The following CRMP1 variants were observed in gnomAD, a reference collection of about 807,000 sequenced individuals.
CRMP1 encodes collapsin response mediator protein 1, also known as dihydropyrimidinase-related protein 1.
CRMP1 carries 19 observed loss-of-function variants against 68.3 expected under a neutral mutation model. The ratio of observed to expected loss-of-function variants is 0.28; its 90% CI spans 0.19 to 0.41. The LOEUF (loss-of-function observed/expected upper bound fraction) is 0.41. Among genes scored for constraint, CRMP1 ranks in the 10% least tolerant of loss-of-function variants. The pLI is 1.00. For synonymous variants in CRMP1, 439 were observed against 399.6 expected, an observed-to-expected ratio of 1.10 and a Z score of -1.18; for missense variants, 791 against 967.4, an observed-to-expected ratio of 0.82 and a Z score of 2.42.
chr4:5,876,974 CCTGCCCCACTGACTGTGGGTGTT>C (rs1367433552), intron 1 of CRMP1, among the ~76,000 whole-genome samples: 1 of 152,220 alleles, frequency 6.6e-6, no homozygotes. Context: ...AGTGCAGCCG[CCTGCCCCACTGACTGTGGGTGTT>C]CTGCCCATGT....
At chr4:5,849,798 C>T (rs779728555) in intron 5 of CRMP1, among the ~76,000 whole-genome samples, 76 of 152,162 alleles carry the variant, frequency 5.0e-4, no homozygotes, top group Non-Finnish European at 8.2e-4. Flanking sequence ...TTTTGAAACA[C>T]CTGTAGGTGT....
intron 6 of CRMP1, among the ~76,000 whole-genome samples, chr4:5,845,098 A>G (rs1015185845): frequency 1.3e-5 from 2 of 152,332 alleles, no homozygotes; most frequent in African/African-American, 4.8e-5. Flanking sequence ...AGCCGGACAT[A>G]AGACAGTGTG....
Position 5,838,473 on chromosome 4 carries a change from A to G in CRMP1, c.1310+1049T>C, listed in dbSNP as rs999124968. Among the ~76,000 whole-genome samples the G allele has an allele frequency of 1.3e-5, 2 of 152,052 alleles. No homozygotes were observed. Among genetic ancestry groups the G allele is most frequent in the Admixed American group, 6.5e-5 (1 of 15,268 alleles). On this transcript the variant is annotated intron_variant, in intron 9 of 13. Transcript: ENST00000324989. This position sits in a 1 kb window ranked among gnomAD's most constrained non-coding sequence, Gnocchi z 4.9. ...TGGGGTGGGCCCGTGTGGAAATAGAAAGTCTTGGTCGGAAGCCAGGGATGA... is the reference window on the plus strand; with the variant it reads ...TGGGGTGGGCCCGTGTGGAAATAGAGAGTCTTGGTCGGAAGCCAGGGATGA...
rs1295685517 is a variant in CRMP1, at chr4:5,836,050, A to G, written c.1488T>C (p.Ala496=). 1.3e-6 allele frequency: 2 copies of G among 1,565,694 alleles called. No individual in the cohort carries two copies. Among genetic ancestry groups the G allele is most frequent in the South Asian group, 1.2e-5 (1 of 81,874 alleles). ...TCTTGGCTGCATTGGTGCTGGTGAC[A>G]GCGACAAACTGGTTCTCATCCATTT... ...TGKMDENQFV[A]VTSTNAAKIF... Residue 496 remains alanine (A), a synonymous_variant, in exon 11 of 14, where the codon GCT becomes GCC. Transcript: ENST00000324989.
In CRMP1 at chr4:5,890,017, G is replaced by T; in HGVS notation, c.381+2572C>A. On this transcript the variant is annotated intron_variant, in intron 1 of 13. Transcript: ENST00000324989. This position sits in a 1 kb window ranked among gnomAD's most constrained non-coding sequence, Gnocchi z 5.5. Reference sequence around the variant, plus strand: ...CAGCAAAGCAGCATGGAGATGCCAGGTTCCCCTACACTCTGTTTACAACTC... The same window carrying T: ...CAGCAAAGCAGCATGGAGATGCCAGTTTCCCCTACACTCTGTTTACAACTC... 1 of 874,046 alleles carries T rather than the reference G, an allele frequency of 1.1e-6. No homozygotes were observed. Among genetic ancestry groups the T allele is most frequent in the Non-Finnish European group, 1.5e-6 (1 of 670,258 alleles). 54.1% of individuals were successfully genotyped at this position (874,046 alleles called of 1,614,324 possible).
chr4:5,835,438 C>T (rs1026434840), intron 11 of CRMP1, among the ~76,000 whole-genome samples: 2 of 152,226 alleles, frequency 1.3e-5, no homozygotes, highest in African/African-American at 2.4e-5. Flanking sequence ...AGGCCCATAA[C>T]TATGGGCATG....
intron 11 of CRMP1, among the ~76,000 whole-genome samples, chr4:5,830,934 G>T (rs932034904): frequency 1.3e-5 from 2 of 152,112 alleles, no homozygotes; most frequent in Non-Finnish European, 1.5e-5. Flanking sequence ...CTGAATTTAT[G>T]TAAGTCTTTA....
chr4:5,829,499 T>C (rs1720195299), intron 11 of CRMP1, among the ~76,000 whole-genome samples: 1 of 152,234 alleles, frequency 6.6e-6, no homozygotes. Context: ...ATTTTAAAAG[T>C]AGGTCACATA....
Position 5,866,719 on chromosome 4 carries a change from T to C in CRMP1, c.419A>G (p.Asn140Ser). The C allele has an allele frequency of 6.2e-7, 1 of 1,613,164 alleles. No homozygotes were observed. The highest frequency in any genetic ancestry group is 8.5e-7 in the Non-Finnish European group (1 of 1,179,840). ...GTCAGCATAAAGGGATTGGTCATCG[T>C]TGATGATCCGTCCACCTTTGATGAG... Reference protein sequence around the residue: ...RLLIKGGRIINDDQSLYADVY... With the variant: ...RLLIKGGRIISDDQSLYADVY... Residue 140 changes from asparagine to serine, a missense_variant, in exon 2 of 14, where the codon AAC becomes AGC. Around this residue, in one of 3 missense-constraint regions of CRMP1, gnomAD observed 594 missense variants for 763.6 expected, o/e 0.78. Transcript: ENST00000324989. This position sits in a 1 kb window ranked among gnomAD's most constrained non-coding sequence, Gnocchi z 5.9.
Position 5,888,204 on chromosome 4 carries a change from G to A in CRMP1, c.381+4385C>T. The A allele has an allele frequency of 8.0e-7, 1 of 1,257,742 alleles. No individual in the cohort carries two copies. The highest frequency in any genetic ancestry group is 1.0e-6 in the Non-Finnish European group (1 of 997,650). 77.9% of individuals were successfully genotyped at this position (1,257,742 alleles called of 1,614,324 possible). A position where few individuals can be genotyped will look rare whatever the true frequency, so the allele number is the denominator to read the frequency against. On this transcript the variant is annotated intron_variant, in intron 1 of 13. Transcript: ENST00000324989. The surrounding 1 kb of genome is among the most constrained non-coding windows in gnomAD (Gnocchi z 6.4). The stretch of plus-strand genomic sequence containing the variant: ...CCCAGCCCACAAAGGCCAGCGCGGG[G>A]CGGCGGGGGCGGGGGCCGCTTACCG...
Position 5,889,809 on chromosome 4 carries a change from C to G in CRMP1, c.381+2780G>C. On this transcript the variant is annotated intron_variant, in intron 1 of 13. Coordinates refer to ENST00000324989, the MANE Select transcript of CRMP1 (RefSeq NM_001014809.3). The surrounding 1 kb of genome is among the most constrained non-coding windows in gnomAD (Gnocchi z 4.5). ...GACCTTCACCACCCCAGGGGCCAGTCCCCTAATCCAGGGCAGGAGGCCAGA... is the reference window on the plus strand; with the variant it reads ...GACCTTCACCACCCCAGGGGCCAGTGCCCTAATCCAGGGCAGGAGGCCAGA... 1.3e-6 allele frequency: 2 copies of G among 1,509,654 alleles called. No homozygotes were observed. Among genetic ancestry groups the G allele is most frequent in the East Asian group, 2.5e-5 (1 of 40,506 alleles). 93.5% of individuals were successfully genotyped at this position (1,509,654 alleles called of 1,614,324 possible).
At position 5,860,326 on chromosome 4, in the gene CRMP1, G is replaced by C. The variant is rs1366807175; in HGVS notation, c.655+700C>G. ...AGAACAGAGTGGCTGGGGAGTCACT[G>C]GGTCCAGAATGGGAGACCCATGGTG... On this transcript the variant is annotated intron_variant, in intron 3 of 13. Transcript: ENST00000324989. The surrounding 1 kb of genome is among the most constrained non-coding windows in gnomAD (Gnocchi z 4.2). Among the ~76,000 whole-genome samples the C allele has an allele frequency of 2.6e-5, 4 of 152,164 alleles. No homozygotes were observed. Among genetic ancestry groups the C allele is most frequent in the Non-Finnish European group, 5.9e-5 (4 of 68,032 alleles).
At position 5,858,483 on chromosome 4, in the gene CRMP1, T is replaced by A. The variant is rs1032033998; in HGVS notation, c.656-2176A>T. ...AGAGGCCCAGGTCACCCGTGGCACT[T>A]CCTTTCCCTCACATGCCCCCGTGTG... On this transcript the variant is annotated intron_variant, in intron 3 of 13. Coordinates refer to ENST00000324989, the MANE Select transcript of CRMP1 (RefSeq NM_001014809.3). This position sits in a 1 kb window ranked among gnomAD's most constrained non-coding sequence, Gnocchi z 5.5. 4.6e-5 allele frequency among the ~76,000 whole-genome samples: 7 copies of A among 151,966 alleles called. No individual in the cohort carries two copies. Among genetic ancestry groups the A allele is most frequent in the Admixed American group, 1.3e-4 (2 of 15,258 alleles).
At chr4:5,830,095 T>TGAG (rs1720255574) in intron 11 of CRMP1, among the ~76,000 whole-genome samples, 1 of 152,246 alleles carries the variant, frequency 6.6e-6, no homozygotes, top group Non-Finnish European at 1.5e-5. Context: ...CATCTGTGAC[T>TGAG]GAGACTGGGT....
rs1020030318 is a variant in CRMP1, at chr4:5,843,523, C to T, written c.964-362G>A. 2.6e-5 allele frequency among the ~76,000 whole-genome samples: 4 copies of T among 152,096 alleles called. No homozygotes were observed. The highest frequency in any genetic ancestry group is 7.2e-5 in the African/African-American group (3 of 41,430). ...TGGGAAGAAACGTGGTGTTTGGGTACAACATGGATATCTTCAACTAGGAAT... is the reference window on the plus strand; with the variant it reads ...TGGGAAGAAACGTGGTGTTTGGGTATAACATGGATATCTTCAACTAGGAAT... On this transcript the variant is annotated intron_variant, in intron 6 of 13. Coordinates refer to ENST00000324989, the MANE Select transcript of CRMP1 (RefSeq NM_001014809.3). The surrounding 1 kb of genome is among the most constrained non-coding windows in gnomAD (Gnocchi z 4.1).
rs948235066 is a variant in CRMP1 at position 5,825,903 on chromosome 4, G to T, written c.1804-244C>A. 7 of 513,220 alleles carry T rather than the reference G, an allele frequency of 1.4e-5. No homozygotes were observed. The highest frequency in any genetic ancestry group is 6.6e-5 in the African/African-American group (3 of 45,136). 31.8% of individuals were successfully genotyped at this position (513,220 alleles called of 1,614,324 possible). ...TACCCACATGCATACACATACAGACGCACACACCACGCACACGCACTCACA... is the reference window on the plus strand; with the variant it reads ...TACCCACATGCATACACATACAGACTCACACACCACGCACACGCACTCACA... On this transcript the variant is annotated intron_variant, in intron 12 of 13. Transcript: ENST00000324989. This position sits in a 1 kb window ranked among gnomAD's most constrained non-coding sequence, Gnocchi z 4.4.
rs562385669 is a variant in CRMP1, at chr4:5,842,618, T to A, written c.1032+475A>T. Among the ~76,000 whole-genome samples, 5 of 138,298 alleles carry A rather than the reference T, an allele frequency of 3.6e-5. No homozygotes were observed. The highest frequency in any genetic ancestry group is 2.1e-4 in the Admixed American group (3 of 14,132). The allele number at this position is 138,298 out of a possible 152,430, so 90.7% of individuals were successfully genotyped here. On this transcript the variant is annotated intron_variant, in intron 7 of 13. Coordinates refer to ENST00000324989, the MANE Select transcript of CRMP1 (RefSeq NM_001014809.3). This position sits in a 1 kb window ranked among gnomAD's most constrained non-coding sequence, Gnocchi z 4.5. ...CTCTCTCACACACACACACACACAC[T>A]CACTCACACACACACACACGCACTG...
rs902078030 is a variant in CRMP1 at position 5,836,679 on chromosome 4, T to C, written c.1452+86A>G. 1.1e-5 allele frequency: 18 copies of C among 1,600,976 alleles called. No homozygotes were observed. The African/African-American group carries it at 1.9e-4, about 17-fold the overall frequency. On this transcript the variant is annotated intron_variant, in intron 10 of 13. Transcript: ENST00000324989. ...CGCCTCCATGTAAGAAGGGAACTTT[T>C]AAGAACCCAGCGTGCATAATGCATC...
rs1456457645 is a variant in CRMP1 at position 5,838,561 on chromosome 4, T to C, written c.1310+961A>G. ...AGGCGTTGTCAGACTCTAGGGCCTCTGGTCCGTGTTCCTGACATTTTCTTA... is the reference window on the plus strand; with the variant it reads ...AGGCGTTGTCAGACTCTAGGGCCTCCGGTCCGTGTTCCTGACATTTTCTTA... On this transcript the variant is annotated intron_variant, in intron 9 of 13. Transcript: ENST00000324989. The surrounding 1 kb of genome is among the most constrained non-coding windows in gnomAD (Gnocchi z 4.9). Among the ~76,000 whole-genome samples, 1 of 152,192 alleles carries C rather than the reference T, an allele frequency of 6.6e-6. No homozygotes were observed. Among genetic ancestry groups the C allele is most frequent in the African/African-American group, 2.4e-5 (1 of 41,448 alleles).
Sources: gnomAD v4.1 joint callset for allele counts (sites outside exome capture counted in the v4.1 genomes callset) on GRCh38, gnomAD v4.1.1 for gene constraint, gnomAD v4.1.1 regional missense constraint, Gnocchi (gnomAD v3.1) non-coding constraint, MANE v1.5 for transcripts, NCBI Gene and HGNC (gene_info 2026-07-23, HGNC 2026-07-21) for gene names.